Variants in LMF1 observed in about 807,000 individuals in gnomAD.
The protein encoded by LMF1 is lipase maturation factor 1.
In LMF1, 68 loss-of-function variants were observed where a neutral mutation model predicts 60.6. That is an observed-to-expected ratio of 1.12 (90% confidence interval 0.92 to 1.37). LMF1 has a LOEUF of 1.37. LMF1 is among the 40% of genes most tolerant of loss of function. LMF1 has a pLI of 0.00. For missense variants in LMF1, 948 were observed against 767.2 expected (o/e 1.24, Z -2.78); for synonymous variants, 418 against 324.7 (o/e 1.29, Z -3.09).
rs2072617381 is a variant in LMF1, at chr16:954,477, A to T, written c.383T>A (p.Leu128Ter). The change falls in exon 2 of 11, where the codon TTG becomes TAG. Residue 128 changes from leucine to a stop codon, truncating the protein, a stop_gained. Transcript: ENST00000262301. LOFTEE classifies it high-confidence loss of function. The stretch of plus-strand genomic sequence containing the variant: ...GATGCCCAGTCCGAGAAGAGCCAGC[A>T]AGTCCAGGTTGGAGTTCATGTCTGA... ...DWSDMNSNLDLLALLGLGISS... is the reference protein window; with the variant it reads ...DWSDMNSNLD 1.9e-6 allele frequency: 3 copies of T among 1,612,864 alleles called. No individual in the cohort carries two copies. Among genetic ancestry groups the T allele is most frequent in the Non-Finnish European group, 2.5e-6 (3 of 1,179,568 alleles).
chr16:893,673 G>A (rs1430173070), intron 4 of LMF1, among the ~76,000 whole-genome samples: 2 of 152,120 alleles, frequency 1.3e-5, no homozygotes, highest in Non-Finnish European at 2.9e-5. Flanking sequence ...GAGAGGCTGC[G>A]GGGCTGGGGG....
intron 2 of LMF1, among the ~76,000 whole-genome samples, chr16:934,692 T>C (rs1385219251): frequency 6.6e-6 from 1 of 152,242 alleles, no homozygotes; most frequent in Non-Finnish European, 1.5e-5. Flanking sequence ...AAGGCCTGTG[T>C]CTTTACTATT....
At chr16:938,598 C>T (rs969867159) in intron 2 of LMF1, among the ~76,000 whole-genome samples, 2 of 152,198 alleles carry the variant, frequency 1.3e-5, no homozygotes, top group Admixed American at 6.5e-5. Flanking sequence ...AAACATCTGT[C>T]GCCTGTTGCC....
intron 1 of LMF1, among the ~76,000 whole-genome samples, chr16:978,317 A>G (rs1014155961): frequency 5.3e-5 from 8 of 149,556 alleles, no homozygotes; most frequent in African/African-American, 1.5e-4. Context: ...TACATCCCAT[A>G]CACATATCAC....
intron 10 of LMF1, among the ~76,000 whole-genome samples, chr16:863,285 C>A (rs1405816652): frequency 6.6e-6 from 1 of 152,058 alleles, no homozygotes; most frequent in Non-Finnish European, 1.5e-5. Context: ...GGACTACAGG[C>A]ACCTGCCACC....
chr16:897,341 G>A lies in LMF1; in HGVS notation c.664-4269C>T, dbSNP rs2070694324. On this transcript the variant is annotated intron_variant, in intron 4 of 10. Transcript: ENST00000262301. The surrounding 1 kb of genome is among the most constrained non-coding windows in gnomAD (Gnocchi z 4.3). ...GCCCCCTGTGTACCCTTGCACAGTG[G>A]CTCAGGACAGACCCCCAGCCCCTAC... 6.6e-6 allele frequency among the ~76,000 whole-genome samples: 1 copy of A among 152,194 alleles called. No individual in the cohort carries two copies. Among genetic ancestry groups the A allele is most frequent in the Admixed American group, 6.5e-5 (1 of 15,280 alleles).
intron 5 of LMF1, among the ~76,000 whole-genome samples, chr16:882,080 CTGGG>C (rs2070177576): frequency 6.6e-6 from 1 of 152,176 alleles, no homozygotes; most frequent in African/African-American, 2.4e-5. Context: ...AGAACCTCAC[CTGGG>C]AAAGGGCCAC....
At chr16:954,331 C>A in intron 2 of LMF1, 26 bp downstream of exon 2, 1 of 1,604,426 alleles carries the variant, frequency 6.2e-7, no homozygotes. Context: ...GCCCTAAGCT[C>A]CGACCGCCCC....
intron 3 of LMF1, among the ~76,000 whole-genome samples, chr16:924,411 T>A (rs4984718): frequency 0.44 from 66,075 of 151,774 alleles, 15,765 homozygotes; most frequent in African/African-American, 0.63. Flanking sequence ...CACATGCCCA[T>A]TTTTTTTTAA....
intron 3 of LMF1, chr16:920,920 C>T (rs2071414552): frequency 1.3e-5 from 2 of 152,218 alleles, no homozygotes; most frequent in African/African-American, 4.8e-5. Flanking sequence ...GCAGGCATCT[C>T]CAGCAGCAAA....
At chr16:954,213 A>T in intron 2 of LMF1, 144 bp downstream of exon 2, 1 of 898,294 alleles carries the variant, frequency 1.1e-6, no homozygotes, top group Middle Eastern at 2.1e-4. Context: ...CCGCTCTGCC[A>T]TGGCCTAAGT....
At chr16:942,632 C>T (rs1161655095) in intron 2 of LMF1, among the ~76,000 whole-genome samples, 1 of 140,162 alleles carries the variant, frequency 7.1e-6, no homozygotes, top group African/African-American at 2.6e-5. Context: ...CTCTGTGGGG[C>T]TCCAATCACA....
chr16:904,637 GA>G (rs1189716795), intron 4 of LMF1, among the ~76,000 whole-genome samples: 2 of 46,114 alleles, frequency 4.3e-5, no homozygotes, highest in Non-Finnish European at 7.2e-5. Flanking sequence ...TGCCTGTGGG[GA>G]CGCCCGTCTC....
chr16:974,124 G>A (rs919088555), upstream of LMF1, among the ~76,000 whole-genome samples: 3 of 152,070 alleles, frequency 2.0e-5, no homozygotes, highest in East Asian at 1.9e-4. Context: ...TGTCATTTAC[G>A]CTCACCTTAC....
chr16:947,635 G>A, intron 2 of LMF1: 1 of 455,778 alleles, frequency 2.2e-6, no homozygotes, highest in Non-Finnish European at 4.4e-6. Flanking sequence ...AGTTTCTGGA[G>A]AGGATCTTTC....
In LMF1 at chr16:871,301, C is replaced by T. The variant is rs753503972; in HGVS notation, c.938G>A (p.Trp313Ter). 6.2e-7 allele frequency: 1 copy of T among 1,612,522 alleles called. No individual in the cohort carries two copies. Among genetic ancestry groups the T allele is most frequent in the Non-Finnish European group, 8.5e-7 (1 of 1,179,824 alleles). Residue 313 changes from tryptophan (W) to a stop codon, truncating the protein, a stop_gained, in exon 7 of 11, where the codon TGG (tryptophan) becomes TAG (stop). Transcript: ENST00000262301. LOFTEE classifies it high-confidence loss of function. Reference sequence around the variant, plus strand: ...GGCCAGGCTGGGCACCATAGTCAGCCAGTTCAGGAAGCTGAGGTTCCCGCT... The same window carrying T: ...GGCCAGGCTGGGCACCATAGTCAGCTAGTTCAGGAAGCTGAGGTTCCCGCT... ...IVSGNLSFLN[W>*]LTMVPSLACF... is the part of the protein sequence containing the mutation.
chr16:937,363 A>C (rs1260096961), intron 2 of LMF1, among the ~76,000 whole-genome samples: 2 of 152,204 alleles, frequency 1.3e-5, no homozygotes, highest in Non-Finnish European at 2.9e-5. Flanking sequence ...TTTCCTGGAC[A>C]GTGGGACGTA....
intron 4 of LMF1, among the ~76,000 whole-genome samples, chr16:895,066 C>T (rs1474755501): frequency 6.6e-6 from 1 of 152,162 alleles, no homozygotes; most frequent in African/African-American, 2.4e-5. Flanking sequence ...GGGGGGAGGC[C>T]CAGGAGCCCC....
intron 10 of LMF1, among the ~76,000 whole-genome samples, chr16:863,388 C>A (rs556779385): frequency 1.2e-4 from 18 of 152,194 alleles, no homozygotes; most frequent in Non-Finnish European, 2.4e-4. Context: ...GTGATCCACC[C>A]GCCTTGGCCT....
Sources: gnomAD v4.1 joint callset for allele counts (sites outside exome capture counted in the v4.1 genomes callset) on GRCh38, gnomAD v4.1.1 for gene constraint, Gnocchi (gnomAD v3.1) non-coding constraint, MANE v1.5 for transcripts, NCBI Gene and HGNC (gene_info 2026-07-23, HGNC 2026-07-21) for gene names.